The following OTUD7A variants were observed in gnomAD, a reference collection of about 807,000 sequenced individuals.
The protein encoded by OTUD7A is OTU domain-containing protein 7A.
OTUD7A carries 12 observed loss-of-function variants against 65.7 expected under a neutral mutation model. That is an observed-to-expected ratio of 0.18 (90% CI 0.12 to 0.30). The LOEUF is 0.30. Ranked by LOEUF, OTUD7A falls within the 10% of genes least tolerant of loss-of-function variation. OTUD7A has a pLI of 1.00. For missense variants in OTUD7A, 1,148 were observed against 1,304.8 expected (o/e 0.88, Z 1.85); for synonymous variants, 641 against 586.3 (o/e 1.09, Z -1.35).
intron 1 of OTUD7A, among the ~76,000 whole-genome samples, chr15:31,857,974 T>C (rs1897620140): frequency 1.3e-5 from 2 of 152,108 alleles, no homozygotes; most frequent in Non-Finnish European, 2.9e-5. Flanking sequence ...TTAAAACCAG[T>C]AGTACTTTAC....
At chr15:31,568,411 C>T (rs1390805034) in intron 4 of OTUD7A, among the ~76,000 whole-genome samples, 1 of 152,230 alleles carries the variant, frequency 6.6e-6, no homozygotes, top group Non-Finnish European at 1.5e-5. Flanking sequence ...GGAATGTTTA[C>T]CCGATTGTAT....
At chr15:31,558,667 G>A (rs1283642293) in intron 5 of OTUD7A, 1 of 433,318 alleles carries the variant, frequency 2.3e-6, no homozygotes, top group Non-Finnish European at 4.2e-6. Context: ...GTTGTCTGGG[G>A]AAAGAGAGAA....
Position 31,666,085 on chromosome 15 carries a change from C to A in OTUD7A, c.-99-9008G>T, listed in dbSNP as rs1036711651. Among the ~76,000 whole-genome samples, 5 of 151,796 alleles carry A rather than the reference C, an allele frequency of 3.3e-5. No homozygotes were observed. The East Asian group carries it at 9.7e-4, about 29-fold the overall frequency. On this transcript the variant is annotated intron_variant, in intron 1 of 12. Coordinates refer to ENST00000307050, the MANE Select transcript of OTUD7A (RefSeq NM_001382637.1). ...AGTATTTTGTTAAGGATTTTAGCAT[C>A]TATGTTCAGCAAGGATATCAGTCTG...
intron 3 of OTUD7A, among the ~76,000 whole-genome samples, chr15:31,640,314 G>A (rs1366520643): frequency 6.6e-6 from 1 of 152,076 alleles, no homozygotes; most frequent in Non-Finnish European, 1.5e-5. Context: ...TATACTGCTC[G>A]GGTGATGGGT....
intron 1 of OTUD7A, among the ~76,000 whole-genome samples, chr15:31,753,547 A>G (rs1399154405): frequency 1.3e-5 from 2 of 151,356 alleles, no homozygotes; most frequent in African/African-American, 2.4e-5. Flanking sequence ...GATAACATAC[A>G]ATGTTTGGTT....
At chr15:31,486,520 T>C (rs1023162829) in intron 12 of OTUD7A, among the ~76,000 whole-genome samples, 1 of 152,250 alleles carries the variant, frequency 6.6e-6, no homozygotes. Flanking sequence ...TCCTTTTCCC[T>C]GGCAGTTCAC....
chr15:31,555,810 G>A (rs534395010), intron 5 of OTUD7A, among the ~76,000 whole-genome samples: 1 of 151,656 alleles, frequency 6.6e-6, no homozygotes, highest in South Asian at 2.1e-4. Context: ...CTCCTCTGAG[G>A]GAGCACACAC....
intron 3 of OTUD7A, among the ~76,000 whole-genome samples, chr15:31,599,652 A>G (rs1328491706): frequency 3.9e-5 from 6 of 152,190 alleles, no homozygotes. Flanking sequence ...TGGCAAATTG[A>G]CAGAGGTAGG....
chr15:31,607,202 TGA>T (rs1220124879), intron 3 of OTUD7A, among the ~76,000 whole-genome samples: 4 of 152,222 alleles, frequency 2.6e-5, no homozygotes, highest in African/African-American at 9.6e-5. Flanking sequence ...AAGCAGTGGC[TGA>T]GAGGCTGAGG....
chr15:31,510,509 T>G (rs1415607803), intron 8 of OTUD7A, among the ~76,000 whole-genome samples: 4 of 143,698 alleles, frequency 2.8e-5, no homozygotes, highest in African/African-American at 1.0e-4. Flanking sequence ...GTAACATACA[T>G]ATATATGTAT....
At chr15:31,666,424 C>T (rs1489801981) in intron 1 of OTUD7A, among the ~76,000 whole-genome samples, 1 of 151,974 alleles carries the variant, frequency 6.6e-6, no homozygotes, top group Non-Finnish European at 1.5e-5. Context: ...TCATAGTAGC[C>T]TTGAATAATC....
rs4779882 is a variant in OTUD7A, at chr15:31,476,980, C to T, written c.*6314G>A. ...CCACCTGCCAGCACTGGAGGGCCAC[C>T]GTGCTGGGGCCTGGGCCCAAGGAGG... On this transcript the variant is annotated 3_prime_UTR_variant, in exon 13 of 13. Transcript: ENST00000307050. The T allele has an allele frequency of 0.29, 43,526 of 152,230 alleles. 6,486 individuals carry two copies. The highest frequency in any genetic ancestry group is 0.37 in the East Asian group (1,910 of 5,168). The allele number at this position is 152,230 out of a possible 1,614,324, so 9.4% of individuals were successfully genotyped here. A position where few individuals can be genotyped will look rare whatever the true frequency, so the allele number is the denominator to read the frequency against.
chr15:31,717,015 C>T (rs1370907523), intron 1 of OTUD7A, among the ~76,000 whole-genome samples: 1 of 152,162 alleles, frequency 6.6e-6, no homozygotes, highest in Non-Finnish European at 1.5e-5. Context: ...CCTACATAAC[C>T]TCACAACTAG....
rs1262067490 is a variant in OTUD7A at position 31,483,505 on chromosome 15, G to A, written c.2591C>T (p.Ala864Val). The A allele has an allele frequency of 2.9e-6, 4 of 1,396,502 alleles. No homozygotes were observed. Among genetic ancestry groups the A allele is most frequent in the Non-Finnish European group, 3.7e-6 (4 of 1,073,274 alleles). 86.5% of individuals were successfully genotyped at this position (1,396,502 alleles called of 1,614,324 possible). ...GGCGAACTCCAGGCCGTCGCGCAGG[G>A]CGCCGAAGCCGTTGGTGTAGGTCTG... ...KSQTYTNGFGALRDGLEFADA... is the reference protein window; with the variant it reads ...KSQTYTNGFGVLRDGLEFADA... The change falls in exon 13 of 13, where the codon GCC becomes GTC. Residue 864 changes from alanine to valine, a missense_variant. Coordinates refer to ENST00000307050, the MANE Select transcript of OTUD7A (RefSeq NM_001382637.1).
At chr15:31,659,793 T>C (rs1892106381) in intron 1 of OTUD7A, among the ~76,000 whole-genome samples, 1 of 151,424 alleles carries the variant, frequency 6.6e-6, no homozygotes, top group Non-Finnish European at 1.5e-5. Context: ...GGGAGCTCGC[T>C]CTCATCAGGT....
intron 1 of OTUD7A, among the ~76,000 whole-genome samples, chr15:31,855,277 C>T (rs1897539900): frequency 6.6e-6 from 1 of 152,052 alleles, no homozygotes; most frequent in South Asian, 2.1e-4. Flanking sequence ...AGGCTGACTT[C>T]AAATTTCTCA....
At chr15:31,699,238 C>T (rs1237826832) in intron 1 of OTUD7A, among the ~76,000 whole-genome samples, 1 of 151,992 alleles carries the variant, frequency 6.6e-6, no homozygotes, top group Non-Finnish European at 1.5e-5. Flanking sequence ...CGCCACCACG[C>T]CCGGCTAATT....
At chr15:31,604,266 A>G (rs1258849885) in intron 3 of OTUD7A, among the ~76,000 whole-genome samples, 1 of 152,240 alleles carries the variant, frequency 6.6e-6, no homozygotes, top group Non-Finnish European at 1.5e-5. Context: ...ATGCAGCCAT[A>G]CAAAAGGATG....
intron 1 of OTUD7A, among the ~76,000 whole-genome samples, chr15:31,717,560 G>A (rs1419174282): frequency 2.0e-5 from 3 of 152,156 alleles, no homozygotes; most frequent in Non-Finnish European, 4.4e-5. Context: ...TCCCTACAAA[G>A]GACATGAACT....
Sources: allele counts gnomAD v4.1 joint callset (sites outside exome capture counted in the v4.1 genomes callset), GRCh38; gene constraint gnomAD v4.1.1; transcripts MANE v1.5; gene names NCBI Gene and HGNC (gene_info 2026-07-23, HGNC 2026-07-21).